Variants in ROCK1 observed in about 807,000 individuals in gnomAD.
The protein encoded by ROCK1 is Rho associated coiled-coil containing protein kinase 1.
ROCK1 carries 36 observed loss-of-function variants against 196.8 expected under a neutral mutation model. The ratio of observed to expected loss-of-function variants is 0.18; its 90% CI spans 0.14 to 0.24. The LOEUF is 0.24. Ranked by LOEUF, ROCK1 falls within the 10% of genes least tolerant of loss-of-function variation. The probability of loss-of-function intolerance (pLI) is 1.00; values close to 1 mark genes in which losing one functional copy is unlikely to be tolerated. For synonymous variants in ROCK1, 443 were observed against 515.9 expected (o/e 0.86, Z 1.91); for missense variants, 920 against 1,562.0 (o/e 0.59, Z 6.93).
intron 11 of ROCK1, among the ~76,000 whole-genome samples, chr18:21,021,382 T>C (rs1475425800): frequency 4.0e-5 from 6 of 151,880 alleles, no homozygotes; most frequent in Admixed American, 3.3e-4. Flanking sequence ...ATGTTAATAA[T>C]TGAAAGTGAG....
rs865964119 is a variant in ROCK1, at chr18:20,959,179, A to T, written c.3512+661T>A. On this transcript the variant is annotated intron_variant, in intron 29 of 32. Coordinates refer to ENST00000399799, the MANE Select transcript of ROCK1 (RefSeq NM_005406.3). ...ATATTATATATTATATAATATATAT[A>T]ATATTATATATAATATATATAATAC... 2.5e-3 allele frequency among the ~76,000 whole-genome samples: 198 copies of T among 78,252 alleles called. 6 individuals are homozygous for T. Among genetic ancestry groups the T allele is most frequent in the African/African-American group, 0.011 (188 of 17,200 alleles). 51.3% of individuals were successfully genotyped at this position (78,252 alleles called of 152,430 possible). A position where few individuals can be genotyped will look rare whatever the true frequency, so the allele number is the denominator to read the frequency against.
rs1318851151 is a variant in ROCK1, at chr18:21,077,498, C to CTA, written c.94-6887_94-6886dup. 3.3e-5 allele frequency among the ~76,000 whole-genome samples: 5 copies of CTA among 152,240 alleles called. No individual in the cohort carries two copies. The East Asian group carries it at 9.6e-4, about 29-fold the overall frequency. On this transcript the variant is annotated intron_variant, in intron 1 of 32. Coordinates refer to ENST00000399799, the MANE Select transcript of ROCK1 (RefSeq NM_005406.3). ...GCTGCTCATAAAGGCTACAAGGAAG[C>CTA]TAACTACAAAACCTACTGACACACC...
chr18:21,099,007 T>C (rs1231307939), intron 1 of ROCK1, among the ~76,000 whole-genome samples: 2 of 152,182 alleles, frequency 1.3e-5, no homozygotes, highest in Non-Finnish European at 2.9e-5. Context: ...GCACAACTCT[T>C]AGGAGAGGGA....
chr18:21,039,601 T>C, intron 8 of ROCK1, 38 bp from the exon 9 acceptor site: 1 of 1,410,212 alleles, frequency 7.1e-7, no homozygotes, highest in Non-Finnish European at 1.0e-6. Context: ...ATCAATCATT[T>C]AAGATCTTAT....
intron 25 of ROCK1, chr18:20,968,464 G>A (rs117441042): frequency 0.017 from 3,957 of 235,012 alleles, 61 homozygotes; most frequent in Middle Eastern, 0.064. Context: ...GCACCACCAC[G>A]CCCGGCTAAT....
At chr18:21,089,743 T>TTATAA (rs1330042346) in intron 1 of ROCK1, among the ~76,000 whole-genome samples, 17 of 152,214 alleles carry the variant, frequency 1.1e-4, no homozygotes, top group Non-Finnish European at 1.3e-4. Context: ...TAACAAAGTG[T>TTATAA]CAAATATCTC....
chr18:21,041,729 T>C (rs2143503436), intron 8 of ROCK1, among the ~76,000 whole-genome samples: 1 of 152,240 alleles, frequency 6.6e-6, no homozygotes, highest in Non-Finnish European at 1.5e-5. Flanking sequence ...AAAAGGATGC[T>C]CCCAACTCAT....
At chr18:21,073,825 T>C (rs1326540351) in intron 1 of ROCK1, among the ~76,000 whole-genome samples, 1 of 151,966 alleles carries the variant, frequency 6.6e-6, no homozygotes, top group Non-Finnish European at 1.5e-5. Flanking sequence ...TTAAAGAAAA[T>C]GTTTTTGGTA....
intron 9 of ROCK1, among the ~76,000 whole-genome samples, chr18:21,036,299 T>G (rs2036056396): frequency 2.0e-5 from 3 of 152,216 alleles, no homozygotes; most frequent in Admixed American, 6.5e-5. Context: ...CACAATGAGT[T>G]TTGAGCCGGC....
chr18:21,006,304 TA>T (rs1367635492), intron 16 of ROCK1, 46 bp downstream of exon 16: 1 of 1,455,290 alleles, frequency 6.9e-7, no homozygotes, highest in Non-Finnish European at 9.4e-7. Context: ...AATGTTATAA[TA>T]AATTTCATGT....
chr18:21,006,328 A>G (rs1451031222), intron 16 of ROCK1, 23 bp downstream of exon 16: 1 of 1,574,376 alleles, frequency 6.4e-7, no homozygotes, highest in Non-Finnish European at 8.6e-7. Context: ...CGTATATTTT[A>G]CCACAATAAG....
rs1359390777 is a variant in ROCK1 at position 20,959,153 on chromosome 18, T to TA, written c.3512+686dup. On this transcript the variant is annotated intron_variant, in intron 29 of 32. Coordinates refer to ENST00000399799, the MANE Select transcript of ROCK1 (RefSeq NM_005406.3). ...TATTATATATATTATATAAAATATA[T>TA]ATATTATATATTATATAATATATAT... 4.3e-5 allele frequency among the ~76,000 whole-genome samples: 3 copies of TA among 70,468 alleles called. 1 individual carries two copies. The highest frequency in any genetic ancestry group is 2.6e-4 in the Admixed American group (1 of 3,886). 46.2% of individuals were successfully genotyped at this position (70,468 alleles called of 152,430 possible).
In ROCK1 at chr18:20,949,968, T is replaced by A. The variant is rs2035168625; in HGVS notation, c.*1416A>T. 6.5e-6 allele frequency: 1 copy of A among 152,680 alleles called. No homozygotes were observed. The allele number at this position is 152,680 out of a possible 1,614,324, so 9.5% of individuals were successfully genotyped here. On this transcript the variant is annotated 3_prime_UTR_variant, in exon 33 of 33. Transcript: ENST00000399799. Reference sequence around the variant, plus strand: ...ATGTTTATTATTACATATCCATCAGTGCGGCTTTCAATACCACTTGAAACA... The same window carrying A: ...ATGTTTATTATTACATATCCATCAGAGCGGCTTTCAATACCACTTGAAACA...
Position 21,006,824 on chromosome 18 carries a change from A to T in ROCK1, c.1547-34T>A, listed in dbSNP as rs781133945. On this transcript the variant is annotated intron_variant, in intron 14 of 32. Transcript: ENST00000399799. ...TGAAAGAATAATATATAGAAATTAC[A>T]ACATTTTCATAGGGGAAACATATAA... is the stretch of plus-strand genomic sequence containing the variant. 1.1e-5 allele frequency: 15 copies of T among 1,332,014 alleles called. No individual in the cohort carries two copies. The East Asian group carries it at 3.5e-4, about 31-fold the overall frequency. The allele number at this position is 1,332,014 out of a possible 1,614,324, so 82.5% of individuals were successfully genotyped here. A position where few individuals can be genotyped will look rare whatever the true frequency, so the allele number is the denominator to read the frequency against.
intron 22 of ROCK1, among the ~76,000 whole-genome samples, chr18:20,974,253 T>TGA: frequency 6.6e-6 from 1 of 152,310 alleles, no homozygotes; most frequent in Non-Finnish European, 1.5e-5. Context: ...GCTGGAGATC[T>TGA]GAGTAGAGAC....
intron 16 of ROCK1, among the ~76,000 whole-genome samples, chr18:21,003,010 T>C (rs956159356): frequency 6.6e-6 from 1 of 152,042 alleles, no homozygotes; most frequent in Non-Finnish European, 1.5e-5. Context: ...AAAGTGTTGG[T>C]TTTACAGGTG....
intron 16 of ROCK1, among the ~76,000 whole-genome samples, chr18:20,997,733 C>CA (rs2035684603): frequency 6.6e-6 from 1 of 152,162 alleles, no homozygotes; most frequent in African/African-American, 2.4e-5. Context: ...CCATATGTTA[C>CA]TCCACAAAGC....
intron 16 of ROCK1, among the ~76,000 whole-genome samples, chr18:20,995,759 A>G (rs897294924): frequency 6.6e-6 from 1 of 152,172 alleles, no homozygotes; most frequent in African/African-American, 2.4e-5. Flanking sequence ...TCTGCATTAT[A>G]ATACAGATAA....
intron 1 of ROCK1, among the ~76,000 whole-genome samples, chr18:21,093,478 C>G (rs1173081343): frequency 5.9e-5 from 9 of 152,138 alleles, no homozygotes; most frequent in African/African-American, 2.2e-4. Context: ...TTCAATTTTA[C>G]AGATTGAGAA....
Sources: gnomAD v4.1 joint callset for allele counts (sites outside exome capture counted in the v4.1 genomes callset) on GRCh38, gnomAD v4.1.1 for gene constraint, MANE v1.5 for transcripts, NCBI Gene and HGNC (gene_info 2026-07-23, HGNC 2026-07-21) for gene names.